C11orf65: variants seen among roughly 807,000 people sequenced by gnomAD.
The protein encoded by C11orf65 is protein MFI.
Under a neutral mutation model 35.3 loss-of-function variants are expected in C11orf65, and 38 were observed. The observed-to-expected ratio is 1.08, with a 90% confidence interval of 0.83 to 1.41. The LOEUF is 1.41. Ranked by LOEUF, C11orf65 falls within the 40% of genes most tolerant of loss-of-function variation. The pLI, the probability that C11orf65 is intolerant of heterozygous loss-of-function variation, is 0.00. For synonymous variants in C11orf65, 105 were observed against 114.4 expected (o/e 0.92, Z 0.53); for missense variants, 370 against 367.1 (o/e 1.01, Z -0.06).
At chr11:108,312,423 TGAA>T in intron 6 of C11orf65, 1 of 1,595,196 alleles carries the variant, frequency 6.3e-7, no homozygotes, top group Non-Finnish European at 8.6e-7. Flanking sequence ...GTCTTGCATT[TGAA>T]GAAGGAAGCC....
chr11:108,344,081 A>T (rs1004616564), intron 2 of C11orf65, among the ~76,000 whole-genome samples: 8 of 152,180 alleles, frequency 5.3e-5, no homozygotes, highest in African/African-American at 1.9e-4. Context: ...CAAGGATTTG[A>T]GCCTTGTCTA....
At chr11:108,431,255 G>C (rs928525239) in intron 3 of C11orf65, among the ~76,000 whole-genome samples, 6 of 151,408 alleles carry the variant, frequency 4.0e-5, no homozygotes, top group African/African-American at 1.5e-4. Context: ...CCCCAAACTA[G>C]AAAAAATACA....
chr11:108,325,714 T>C (rs186149560), intron 6 of C11orf65, among the ~76,000 whole-genome samples: 3 of 152,364 alleles, frequency 2.0e-5, no homozygotes. Context: ...ATCTGACTTT[T>C]AAGCCTTGGG....
intron 6 of C11orf65, among the ~76,000 whole-genome samples, chr11:108,324,473 A>G (rs933704110): frequency 6.6e-6 from 1 of 152,154 alleles, no homozygotes. Context: ...ATATGGTCCA[A>G]CGATCGAAAG....
At chr11:108,337,640 C>G (rs2086997310) in intron 2 of C11orf65, among the ~76,000 whole-genome samples, 1 of 152,192 alleles carries the variant, frequency 6.6e-6, no homozygotes, top group Non-Finnish European at 1.5e-5. Context: ...GTTCTACCAT[C>G]TATTGACCTG....
chr11:108,335,780 G>A, intron 2 of C11orf65: 1 of 1,340,080 alleles, frequency 7.5e-7, no homozygotes, highest in Non-Finnish European at 1.1e-6. Context: ...GCTATTCTCA[G>A]ATGACTCTGT....
intron 3 of C11orf65, among the ~76,000 whole-genome samples, chr11:108,412,866 G>C (rs1364348044): frequency 6.6e-6 from 1 of 152,136 alleles, no homozygotes; most frequent in South Asian, 2.1e-4. Flanking sequence ...GGACTAAATG[G>C]AGCATTACAT....
At chr11:108,431,606 T>C (rs2092990878) in intron 3 of C11orf65, 140 bp downstream of exon 3, 2 of 419,452 alleles carry the variant, frequency 4.8e-6, no homozygotes, top group African/African-American at 4.1e-5. Context: ...ATATATGTTT[T>C]ATGAACTTTC....
chr11:108,407,292 C>G, intron 3 of C11orf65, 143 bp from the exon 4 acceptor site: 1 of 664,012 alleles, frequency 1.5e-6, no homozygotes, highest in Non-Finnish European at 2.3e-6. Flanking sequence ...CTCAAATAAT[C>G]AATTTTAAAT....
chr11:108,315,466 G>A (rs910851663), intron 6 of C11orf65, among the ~76,000 whole-genome samples: 4 of 152,032 alleles, frequency 2.6e-5, no homozygotes. Flanking sequence ...ACAAATGATG[G>A]AATGTGTAGA....
At chr11:108,348,096 A>G (rs1438772988) in intron 2 of C11orf65, among the ~76,000 whole-genome samples, 2 of 152,296 alleles carry the variant, frequency 1.3e-5, no homozygotes, top group East Asian at 3.9e-4. Context: ...TAAGGAATAT[A>G]TCAAGTTTTG....
At chr11:108,388,484 T>C (rs1457387569) in intron 7 of C11orf65, among the ~76,000 whole-genome samples, 2 of 152,156 alleles carry the variant, frequency 1.3e-5, no homozygotes, top group Admixed American at 1.3e-4. Flanking sequence ...AAATTACAAA[T>C]TTAACACTTT....
At chr11:108,428,665 G>A (rs937404251) in intron 3 of C11orf65, among the ~76,000 whole-genome samples, 3 of 152,172 alleles carry the variant, frequency 2.0e-5, no homozygotes, top group East Asian at 1.9e-4. Flanking sequence ...CTGTAGAGGC[G>A]TTGGGGGGCT....
intron 7 of C11orf65, among the ~76,000 whole-genome samples, chr11:108,389,738 G>A (rs2092101869): frequency 6.6e-6 from 1 of 152,064 alleles, no homozygotes; most frequent in African/African-American, 2.4e-5. Context: ...TGAGTGCAGT[G>A]GCGCGATCTC....
downstream of C11orf65, chr11:108,328,933 AT>A (rs2085963786): frequency 3.0e-6 from 4 of 1,345,610 alleles, no homozygotes; most frequent in African/African-American, 5.9e-5. Context: ...TATAAGTTAA[AT>A]TTTAGTGTAT....
intron 6 of C11orf65, chr11:108,310,372 G>T (rs906718192): frequency 6.6e-7 from 1 of 1,507,244 alleles, no homozygotes. Flanking sequence ...GTCTCAATAA[G>T]GGTATATAGT....
rs2138260134 is a variant in C11orf65 at position 108,382,919 on chromosome 11, AATAT to A, written c.*98_*101del. The A allele has an allele frequency of 6.4e-7, 1 of 1,564,386 alleles. No individual in the cohort carries two copies. The highest frequency in any genetic ancestry group is 1.2e-5 in the South Asian group (1 of 83,020). On this transcript the variant is annotated 3_prime_UTR_variant, in exon 9 of 9. Transcript: ENST00000393084. ...TAACTGAGCTAGATTCTGTGCCCAG[AATAT>A]ATACACAAGTTATTCCAGTCAGAAT...
intron 7 of C11orf65, among the ~76,000 whole-genome samples, chr11:108,389,551 G>C (rs536793290): frequency 5.9e-5 from 9 of 152,206 alleles, no homozygotes; most frequent in African/African-American, 1.9e-4. Context: ...TGGAAGCAAG[G>C]TATTTGCATT....
chr11:108,332,472 A>C (rs1302653812), intron 3 of C11orf65, among the ~76,000 whole-genome samples: 1 of 152,004 alleles, frequency 6.6e-6, no homozygotes, highest in Non-Finnish European at 1.5e-5. Flanking sequence ...TTGGTTCAAA[A>C]TTCCTTAATA....
Sources: gnomAD v4.1 joint callset for allele counts (sites outside exome capture counted in the v4.1 genomes callset) on GRCh38, gnomAD v4.1.1 for gene constraint, MANE v1.5 for transcripts, NCBI Gene and HGNC (gene_info 2026-07-23, HGNC 2026-07-21) for gene names.